Variants in KL observed in about 807,000 individuals in gnomAD.
KL encodes alpha-klotho.
Under a neutral mutation model 84.2 loss-of-function variants are expected in KL, and 62 were observed. The observed-to-expected ratio is 0.74, with a 90% CI of 0.60 to 0.91. KL has a LOEUF of 0.91. KL is among the 40% of genes least tolerant of loss of function. The pLI, the probability that KL is intolerant of heterozygous loss-of-function variation, is 0.00. For synonymous variants in KL, 528 were observed against 528.0 expected, an observed-to-expected ratio of 1.00 and a Z score of 0.00; for missense variants, 1,261 against 1,305.7, an observed-to-expected ratio of 0.97 and a Z score of 0.53.
rs1872376325 is a variant in KL, at chr13:33,065,460, G to A, written c.*1274G>A. On this transcript the variant is annotated 3_prime_UTR_variant, in exon 5 of 5. Transcript: ENST00000380099. ...GAAGTCTCTCTATTACACTGGAGCTGTTTTATAGATAAGTCAATATTGTAT... is the reference window on the plus strand; with the variant it reads ...GAAGTCTCTCTATTACACTGGAGCTATTTTATAGATAAGTCAATATTGTAT... The A allele has an allele frequency of 1.0e-5, 2 of 193,768 alleles. No homozygotes were observed. Among genetic ancestry groups the A allele is most frequent in the Admixed American group, 6.1e-5 (1 of 16,352 alleles). 12.0% of individuals were successfully genotyped at this position (193,768 alleles called of 1,614,324 possible).
At chr13:33,055,424 A>G (rs1341096993) in intron 3 of KL, 109 bp downstream of exon 3, 6 of 1,415,898 alleles carry the variant, frequency 4.2e-6, no homozygotes, top group Non-Finnish European at 3.9e-6. Flanking sequence ...TCTTTGAGCC[A>G]AAAACAATTC....
At chr13:33,048,606 A>G (rs1871625872) in intron 1 of KL, among the ~76,000 whole-genome samples, 1 of 150,504 alleles carries the variant, frequency 6.6e-6, no homozygotes, top group Non-Finnish European at 1.5e-5. Flanking sequence ...TCTCTCCAGT[A>G]CGTTGACCTG....
chr13:33,060,442 G>C (rs1302445272), intron 3 of KL, among the ~76,000 whole-genome samples: 1 of 152,092 alleles, frequency 6.6e-6, no homozygotes, highest in Non-Finnish European at 1.5e-5. Flanking sequence ...GACTTTTGGG[G>C]GTCACATTAA....
At chr13:33,028,499 T>A (rs1235557760) in intron 1 of KL, among the ~76,000 whole-genome samples, 1 of 152,100 alleles carries the variant, frequency 6.6e-6, no homozygotes, top group African/African-American at 2.4e-5. Flanking sequence ...AAAGGGCAGG[T>A]CTAACCCAGG....
In KL at chr13:33,017,025, C is replaced by T. The variant is rs1178281520; in HGVS notation, c.585C>T (p.Asp195=). Residue 195 remains aspartate, a synonymous_variant, in exon 1 of 5, where the codon GAC becomes GAT. Coordinates refer to ENST00000380099, the MANE Select transcript of KL (RefSeq NM_004795.4). The stretch of plus-strand genomic sequence containing the variant: ...CCGTGGTCACCCTGTACCACTGGGA[C>T]CTGCCCCAGCGCCTGCAGGACGCCT... The part of the protein sequence containing the change: ...VQPVVTLYHW[D]LPQRLQDAYG... The T allele has an allele frequency of 2.5e-6, 4 of 1,597,674 alleles. No individual in the cohort carries two copies. Among genetic ancestry groups the T allele is most frequent in the Admixed American group, 1.7e-5 (1 of 58,782 alleles).
intron 1 of KL, among the ~76,000 whole-genome samples, chr13:33,049,641 A>C (rs1871671492): frequency 6.6e-6 from 1 of 152,162 alleles, no homozygotes; most frequent in Admixed American, 6.5e-5. Flanking sequence ...AAAGCATGGA[A>C]GGCTAGATAA....
Position 33,065,101 on chromosome 13 carries a change from A to G in KL, c.*915A>G. The G allele has an allele frequency of 1.3e-5, 3 of 227,178 alleles. No individual in the cohort carries two copies. Among genetic ancestry groups the G allele is most frequent in the Non-Finnish European group, 2.6e-5 (3 of 114,018 alleles). The allele number at this position is 227,178 out of a possible 1,614,324, so 14.1% of individuals were successfully genotyped here. Reference sequence around the variant, plus strand: ...TTGAGCAGATCTTGGAATGAATGACATGACCTTTCCCTAGAGAATAAGGAT... The same window carrying G: ...TTGAGCAGATCTTGGAATGAATGACGTGACCTTTCCCTAGAGAATAAGGAT... On this transcript the variant is annotated 3_prime_UTR_variant, in exon 5 of 5. Coordinates refer to ENST00000380099, the MANE Select transcript of KL (RefSeq NM_004795.4).
chr13:33,059,564 C>T (rs1192371653), intron 3 of KL, among the ~76,000 whole-genome samples: 2 of 152,102 alleles, frequency 1.3e-5, no homozygotes, highest in African/African-American at 2.4e-5. Context: ...CCTCTGCCTC[C>T]CGGGTTCAAG....
intron 1 of KL, among the ~76,000 whole-genome samples, chr13:33,025,203 A>C (rs1870725152): frequency 6.6e-6 from 1 of 152,190 alleles, no homozygotes; most frequent in South Asian, 2.1e-4. Flanking sequence ...GAGATAGGTT[A>C]GCGTTTTGGG....
chr13:33,034,563 T>C (rs1412853363), intron 1 of KL, among the ~76,000 whole-genome samples: 1 of 152,128 alleles, frequency 6.6e-6, no homozygotes, highest in Non-Finnish European at 1.5e-5. Flanking sequence ...AAATAAAATG[T>C]ATCTCCTCTC....
chr13:33,048,053 A>G (rs970647331), intron 1 of KL, among the ~76,000 whole-genome samples: 9 of 152,138 alleles, frequency 5.9e-5, no homozygotes, highest in African/African-American at 2.2e-4. Flanking sequence ...AAAAATATTT[A>G]TAATAGCTAT....
chr13:33,061,993 A>C (rs1191883199), intron 4 of KL, among the ~76,000 whole-genome samples: 1 of 152,074 alleles, frequency 6.6e-6, no homozygotes, highest in Non-Finnish European at 1.5e-5. Flanking sequence ...CCTAGCCCCT[A>C]CTCTGGATCT....
intron 3 of KL, 159 bp downstream of exon 3, chr13:33,055,474 C>T: frequency 2.5e-6 from 2 of 802,342 alleles, no homozygotes; most frequent in South Asian, 1.5e-5. Flanking sequence ...AATGCTGCAC[C>T]CTTCTCTCCA....
chr13:33,022,310 G>A (rs1171927848), intron 1 of KL, among the ~76,000 whole-genome samples: 1 of 152,090 alleles, frequency 6.6e-6, no homozygotes, highest in African/African-American at 2.4e-5. Flanking sequence ...AAATATCATT[G>A]CTCTAAACTA....
chr13:33,030,463 A>C (rs1400164251), intron 1 of KL, among the ~76,000 whole-genome samples: 1 of 152,206 alleles, frequency 6.6e-6, no homozygotes, highest in East Asian at 1.9e-4. Flanking sequence ...AAAGTTGAGA[A>C]AATTTTCATT....
chr13:33,043,918 G>A (rs1023734039), intron 1 of KL, among the ~76,000 whole-genome samples: 4 of 152,108 alleles, frequency 2.6e-5, no homozygotes, highest in Admixed American at 2.6e-4. Context: ...GTTCTAAGAA[G>A]TATTTTCCTA....
In KL at chr13:33,053,973, G is replaced by GAATA; in HGVS notation, c.1028_1031dup (p.Asn344LysfsTer2). 1 of 1,614,098 alleles carries GAATA rather than the reference G, an allele frequency of 6.2e-7. No homozygotes were observed. The highest frequency in any genetic ancestry group is 8.5e-7 in the Non-Finnish European group (1 of 1,179,986). ...ATGGTGACTATCCCGAGAGCATGAA[G>GAATA]AATAACCTTTCATCTATTCTGCCTG... On this transcript the variant is annotated frameshift_variant, in exon 2 of 5. Transcript: ENST00000380099. LOFTEE classifies it high-confidence loss of function.
At chr13:33,056,789 G>C (rs1477660604) in intron 3 of KL, among the ~76,000 whole-genome samples, 4 of 151,984 alleles carry the variant, frequency 2.6e-5, no homozygotes, top group Non-Finnish European at 4.4e-5. Context: ...CTGGGTGACA[G>C]AGCAAGAGTC....
chr13:33,026,453 G>A (rs535651725), intron 1 of KL, among the ~76,000 whole-genome samples: 2 of 151,502 alleles, frequency 1.3e-5, no homozygotes, highest in South Asian at 4.2e-4. Flanking sequence ...GGGTGGGGGG[G>A]TCATACCTCT....
Sources: gnomAD v4.1 joint callset for allele counts (sites outside exome capture counted in the v4.1 genomes callset) on GRCh38, gnomAD v4.1.1 for gene constraint, MANE v1.5 for transcripts, NCBI Gene and HGNC (gene_info 2026-07-23, HGNC 2026-07-21) for gene names.